The following OXR1 variants were observed in gnomAD, a reference collection of about 807,000 sequenced individuals.
OXR1 encodes oxidation resistance protein 1.
Under a neutral mutation model 104.6 loss-of-function variants are expected in OXR1, and 41 were observed. The ratio of observed to expected loss-of-function variants is 0.39; its 90% CI spans 0.31 to 0.51. The LOEUF is 0.51. Ranked by LOEUF, OXR1 falls within the 20% of genes least tolerant of loss-of-function variation. The probability of loss-of-function intolerance (pLI) is 0.77; values close to 1 mark genes in which losing one functional copy is unlikely to be tolerated. For missense variants in OXR1, 955 were observed against 1,031.9 expected (o/e 0.93, Z 1.02); for synonymous variants, 348 against 348.4 (o/e 1.00, Z 0.01).
chr8:106,395,928 T>A (rs1428939600), intron 2 of OXR1, among the ~76,000 whole-genome samples: 2 of 151,972 alleles, frequency 1.3e-5, no homozygotes, highest in Non-Finnish European at 2.9e-5. Flanking sequence ...AAGAAAAGAA[T>A]GGGGCATGTC....
chr8:106,357,204 G>T (rs1226834662), intron 1 of OXR1, among the ~76,000 whole-genome samples: 1 of 150,030 alleles, frequency 6.7e-6, no homozygotes, highest in Non-Finnish European at 1.5e-5. Context: ...GTGTATATAT[G>T]TGTGTGTGTG....
chr8:106,458,887 T>G (rs1055401205), intron 2 of OXR1, among the ~76,000 whole-genome samples: 1 of 152,186 alleles, frequency 6.6e-6, no homozygotes, highest in African/African-American at 2.4e-5. Context: ...CTACCATTGT[T>G]TTTTGGAAGC....
chr8:106,345,974 AC>A (rs1815459786), intron 1 of OXR1, among the ~76,000 whole-genome samples: 1 of 152,116 alleles, frequency 6.6e-6, no homozygotes. Context: ...TAAAAAGTTG[AC>A]TTTCAGCTGA....
At chr8:106,526,201 G>A (rs1813649599) in intron 3 of OXR1, among the ~76,000 whole-genome samples, 1 of 152,130 alleles carries the variant, frequency 6.6e-6, no homozygotes, top group South Asian at 2.1e-4. Context: ...CATTCTAGAT[G>A]ATGAATTGTC....
At position 106,702,961 on chromosome 8, in the gene OXR1, A is replaced by G; in HGVS notation, c.731A>G (p.His244Arg). 1 of 1,613,898 alleles carries G rather than the reference A, an allele frequency of 6.2e-7. No homozygotes were observed. Among genetic ancestry groups the G allele is most frequent in the Non-Finnish European group, 8.5e-7 (1 of 1,179,808 alleles). The change falls in exon 8 of 17, where the codon CAT becomes CGT. Residue 244 changes from histidine to arginine, a missense_variant. Transcript: ENST00000517566. Reference sequence around the variant, plus strand: ...CCAAATAATATAATGTTTGATCCACATAAAAATGACCCTTTGGTTCAAGAG... The same window carrying G: ...CCAAATAATATAATGTTTGATCCACGTAAAAATGACCCTTTGGTTCAAGAG... The part of the protein sequence containing the change: ...VTPNNIMFDP[H>R]KNDPLVQENG...
intron 1 of OXR1, among the ~76,000 whole-genome samples, chr8:106,274,503 A>G (rs1426853727): frequency 7.2e-5 from 11 of 151,950 alleles, no homozygotes; most frequent in Non-Finnish European, 1.6e-4. Context: ...TGTTCTAATA[A>G]CTATTCCAAT....
intron 3 of OXR1, chr8:106,658,141 C>T: frequency 8.0e-7 from 1 of 1,245,814 alleles, no homozygotes; most frequent in African/African-American, 1.5e-5. Context: ...GGGTGCGGGT[C>T]CCCGCCCCAC....
At chr8:106,298,220 G>C (rs1223039285) in intron 1 of OXR1, among the ~76,000 whole-genome samples, 1 of 152,090 alleles carries the variant, frequency 6.6e-6, no homozygotes, top group Non-Finnish European at 1.5e-5. Context: ...ACCCAAGACT[G>C]GGTAATTTAT....
At chr8:106,321,122 TTA>T (rs1299763466) in intron 1 of OXR1, among the ~76,000 whole-genome samples, 1 of 152,248 alleles carries the variant, frequency 6.6e-6, no homozygotes, top group East Asian at 1.9e-4. Flanking sequence ...AGGAACCATT[TTA>T]TCTCTACAAA....
intron 1 of OXR1, among the ~76,000 whole-genome samples, chr8:106,327,695 A>C (rs951273873): frequency 1.3e-5 from 2 of 152,174 alleles, no homozygotes; most frequent in African/African-American, 4.8e-5. Context: ...TTTCTTTATA[A>C]AAGTTTCTTC....
intron 1 of OXR1, among the ~76,000 whole-genome samples, chr8:106,315,445 T>C (rs1318603129): frequency 2.0e-5 from 3 of 152,194 alleles, no homozygotes; most frequent in Admixed American, 2.0e-4. Context: ...TACAACCAGA[T>C]GTTATCCTCC....
chr8:106,637,951 G>A (rs372246432), intron 3 of OXR1, among the ~76,000 whole-genome samples: 1 of 151,688 alleles, frequency 6.6e-6, no homozygotes, highest in Non-Finnish European at 1.5e-5. Flanking sequence ...TTTTTTAGTA[G>A]AGACGGGGTT....
rs146596937 is a variant in OXR1 at position 106,401,127 on chromosome 8, C to G, written c.23+41491C>G. Among the ~76,000 whole-genome samples, 741 of 152,248 alleles carry G rather than the reference C, an allele frequency of 4.9e-3. 5 individuals are homozygous for G. The highest frequency in any genetic ancestry group is 7.3e-3 in the Non-Finnish European group (495 of 68,008). The stretch of plus-strand genomic sequence containing the variant: ...CTAGACCATCCGGCTGTATCATTGG[C>G]CACAGTCCTTGAATGTCATCACGCA... On this transcript the variant is annotated intron_variant, in intron 2 of 16. Transcript: ENST00000517566.
At chr8:106,620,599 G>A (rs1265430169) in intron 3 of OXR1, among the ~76,000 whole-genome samples, 3 of 152,092 alleles carry the variant, frequency 2.0e-5, no homozygotes, top group Non-Finnish European at 2.9e-5. Context: ...AATACTCAGA[G>A]AATTTTATTA....
intron 3 of OXR1, 148 bp downstream of exon 3, chr8:106,519,287 T>G (rs2130111037): frequency 4.7e-6 from 3 of 638,622 alleles, no homozygotes; most frequent in Non-Finnish European, 8.1e-6. Flanking sequence ...TTATGTGGTC[T>G]GAACATAAAG....
intron 3 of OXR1, chr8:106,658,174 C>G: frequency 1.6e-6 from 2 of 1,242,736 alleles, no homozygotes; most frequent in Non-Finnish European, 2.0e-6. Flanking sequence ...CCGTCCAGCC[C>G]GGAGGGACCT....
rs577164885 is a variant in OXR1 at position 106,437,750 on chromosome 8, T to C, written c.23+78114T>C. Among the ~76,000 whole-genome samples the C allele has an allele frequency of 6.6e-5, 10 of 152,254 alleles. No homozygotes were observed. The South Asian group carries it at 1.9e-3, about 28-fold the overall frequency. On this transcript the variant is annotated intron_variant, in intron 2 of 16. Coordinates refer to ENST00000517566, the MANE Select transcript of OXR1 (RefSeq NM_001198533.2). ...ATGGCTGTTTTCATGCTGAATGCAA[T>C]AGAGTTTTTCATATTAGCCAATAAA...
intron 3 of OXR1, among the ~76,000 whole-genome samples, chr8:106,588,352 T>A (rs1422575217): frequency 1.3e-5 from 2 of 152,088 alleles, no homozygotes; most frequent in Admixed American, 6.5e-5. Context: ...TTTTGAGTTA[T>A]CTTTGATAGG....
chr8:106,325,788 A>C (rs766580679), intron 1 of OXR1, among the ~76,000 whole-genome samples: 33 of 152,200 alleles, frequency 2.2e-4, no homozygotes, highest in Non-Finnish European at 4.7e-4. Flanking sequence ...TTTTATGCAA[A>C]TATGCATAGA....
Sources: allele counts gnomAD v4.1 joint callset (sites outside exome capture counted in the v4.1 genomes callset), GRCh38; gene constraint gnomAD v4.1.1; transcripts MANE v1.5; gene names NCBI Gene and HGNC (gene_info 2026-07-23, HGNC 2026-07-21).